XIRP2: variants seen among roughly 807,000 people sequenced by gnomAD.
XIRP2 encodes the protein xin actin-binding repeat-containing protein 2.
Under a neutral mutation model 277.0 loss-of-function variants are expected in XIRP2, and 236 were observed. The ratio of observed to expected loss-of-function variants is 0.85; its 90% CI spans 0.77 to 0.95. The LOEUF (loss-of-function observed/expected upper bound fraction) is 0.95, where lower values mean the gene tolerates loss of function less well. Among genes scored for constraint, XIRP2 ranks in the 40% least tolerant of loss-of-function variants. XIRP2 has a pLI of 0.00. For synonymous variants in XIRP2, 1,490 were observed against 1,416.5 expected (o/e 1.05, Z -1.17); for missense variants, 4,640 against 4,157.5 (o/e 1.12, Z -3.19).
At chr2:167,073,416 C>T (rs1689484509) in intron 2 of XIRP2, among the ~76,000 whole-genome samples, 1 of 151,992 alleles carries the variant, frequency 6.6e-6, no homozygotes. Flanking sequence ...CATATAGCAT[C>T]GTTGTTTCTG....
chr2:167,180,082 T>G (rs1169342942), intron 3 of XIRP2, among the ~76,000 whole-genome samples: 1 of 152,240 alleles, frequency 6.6e-6, no homozygotes, highest in Non-Finnish European at 1.5e-5. Flanking sequence ...ACCTTTCACT[T>G]AATATTCCAC....
At chr2:167,186,923 C>T (rs1036948367) in intron 3 of XIRP2, among the ~76,000 whole-genome samples, 25 of 151,732 alleles carry the variant, frequency 1.6e-4, no homozygotes, top group East Asian at 1.2e-3. Context: ...TATCTAAGAA[C>T]ATTTTGTCAA....
intron 2 of XIRP2, among the ~76,000 whole-genome samples, chr2:166,907,481 C>T (rs537241636): frequency 4.6e-5 from 7 of 152,258 alleles, no homozygotes; most frequent in African/African-American, 1.4e-4. Context: ...TGATGTCACT[C>T]ATGTGTCTAT....
At chr2:167,114,443 C>A (rs950122160) in intron 2 of XIRP2, among the ~76,000 whole-genome samples, 2 of 151,676 alleles carry the variant, frequency 1.3e-5, no homozygotes, top group Admixed American at 1.3e-4. Flanking sequence ...TTATGCAATT[C>A]TTTTTTTTAT....
chr2:167,173,758 A>G (rs1004450362), intron 3 of XIRP2, among the ~76,000 whole-genome samples: 1 of 152,150 alleles, frequency 6.6e-6, no homozygotes, highest in African/African-American at 2.4e-5. Flanking sequence ...ACAGTGTACT[A>G]GGGTTCTCTT....
At chr2:167,154,436 T>G (rs200581696) in intron 3 of XIRP2, among the ~76,000 whole-genome samples, 7,567 of 139,436 alleles carry the variant, frequency 0.054, 265 homozygotes, top group South Asian at 0.099. Context: ...GTCAATTTTG[T>G]CTTTTGTTGC....
intron 2 of XIRP2, among the ~76,000 whole-genome samples, chr2:166,950,044 T>G (rs1685986604): frequency 6.6e-6 from 1 of 152,072 alleles, no homozygotes; most frequent in Non-Finnish European, 1.5e-5. Flanking sequence ...AAAGGATATG[T>G]CATCAGTATA....
At chr2:167,156,231 G>T (rs1313692000) in intron 3 of XIRP2, among the ~76,000 whole-genome samples, 1 of 152,052 alleles carries the variant, frequency 6.6e-6, no homozygotes, top group African/African-American at 2.4e-5. Context: ...TTTCTTCACA[G>T]AATTGGAAAA....
At chr2:167,079,206 GC>G (rs1222874925) in intron 2 of XIRP2, among the ~76,000 whole-genome samples, 3 of 152,266 alleles carry the variant, frequency 2.0e-5, no homozygotes, top group African/African-American at 7.2e-5. Flanking sequence ...AAGAAATGAA[GC>G]CTACGTGATT....
chr2:167,233,939 A>G (rs1295813238), intron 5 of XIRP2, among the ~76,000 whole-genome samples: 1 of 151,626 alleles, frequency 6.6e-6, no homozygotes, highest in African/African-American at 2.4e-5. Flanking sequence ...TGTAAGCTGC[A>G]TTTTTAGTTT....
At chr2:166,917,206 T>C (rs574679398) in intron 2 of XIRP2, among the ~76,000 whole-genome samples, 1 of 152,308 alleles carries the variant, frequency 6.6e-6, no homozygotes, top group South Asian at 2.1e-4. Context: ...GAGGTCCCAC[T>C]GAGAAGAGCC....
At chr2:167,057,221 A>T (rs1689060488) in intron 2 of XIRP2, among the ~76,000 whole-genome samples, 1 of 152,190 alleles carries the variant, frequency 6.6e-6, no homozygotes. Flanking sequence ...ATGGGAATGA[A>T]TTAGGCAAGA....
At chr2:167,200,832 G>A (rs1693663251) in intron 3 of XIRP2, among the ~76,000 whole-genome samples, 1 of 152,100 alleles carries the variant, frequency 6.6e-6, no homozygotes, top group Admixed American at 6.6e-5. Context: ...AGAGGAAAAT[G>A]TACCATATAC....
intron 2 of XIRP2, among the ~76,000 whole-genome samples, chr2:167,089,609 C>T (rs1231297211): frequency 6.6e-6 from 1 of 152,050 alleles, no homozygotes; most frequent in Non-Finnish European, 1.5e-5. Context: ...GTGTGTATTA[C>T]TTAAGTAAAT....
In XIRP2 at chr2:167,122,369, G is replaced by T. The variant is rs765875787; in HGVS notation, c.409-13540G>T. Among the ~76,000 whole-genome samples the T allele has an allele frequency of 4.1e-4, 63 of 152,120 alleles. 1 individual carries two copies. Among genetic ancestry groups the T allele is most frequent in the Non-Finnish European group, 8.1e-4 (55 of 68,026 alleles). On this transcript the variant is annotated intron_variant, in intron 2 of 10. Transcript: ENST00000409195. Reference sequence around the variant, plus strand: ...ACAGTACAAGATTTTTCACCCAAAAGGTGCATATATGCCAAATTGTTTTCT... The same window carrying T: ...ACAGTACAAGATTTTTCACCCAAAATGTGCATATATGCCAAATTGTTTTCT...
chr2:166,946,720 A>C (rs910400154), intron 2 of XIRP2, among the ~76,000 whole-genome samples: 3 of 152,170 alleles, frequency 2.0e-5, no homozygotes, highest in Non-Finnish European at 4.4e-5. Context: ...CATTAAAGAA[A>C]TACAAATAAA....
At chr2:167,007,491 T>C (rs950459849) in intron 2 of XIRP2, among the ~76,000 whole-genome samples, 1 of 151,656 alleles carries the variant, frequency 6.6e-6, no homozygotes, top group Admixed American at 6.6e-5. Context: ...ATTATACTTA[T>C]GGAATTTGGG....
intron 1 of XIRP2, among the ~76,000 whole-genome samples, chr2:166,890,775 A>G (rs1287310530): frequency 6.6e-6 from 1 of 152,068 alleles, no homozygotes; most frequent in Non-Finnish European, 1.5e-5. Flanking sequence ...TATTTAACAA[A>G]TTTCTTCTTT....
In XIRP2 at chr2:167,249,794, C is replaced by T; in HGVS notation, c.8402C>T (p.Pro2801Leu). The change falls in exon 9 of 11, where the codon CCC becomes CTC. Residue 2801 changes from proline (P) to leucine (L), a missense_variant. Physicochemically the swap from Pro to Leu is moderately conservative, Grantham distance 98. Coordinates refer to ENST00000409195, the MANE Select transcript of XIRP2 (RefSeq NM_152381.6). ...CAGGAAGATAAGCTCAAGATGGTTCCCAGGAAGCAAAGAGAATTTAGCGGA... is the reference window on the plus strand; with the variant it reads ...CAGGAAGATAAGCTCAAGATGGTTCTCAGGAAGCAAAGAGAATTTAGCGGA... ...KNQEDKLKMVPRKQREFSGSD... is the reference protein window; with the variant it reads ...KNQEDKLKMVLRKQREFSGSD... 4 of 1,613,080 alleles carry T rather than the reference C, an allele frequency of 2.5e-6. No homozygotes were observed. In the African/African-American group the frequency reaches 5.3e-5, roughly 22 times the overall value.
Sources: allele counts gnomAD v4.1 joint callset (sites outside exome capture counted in the v4.1 genomes callset), GRCh38; gene constraint gnomAD v4.1.1; transcripts MANE v1.5; gene names NCBI Gene and HGNC (gene_info 2026-07-23, HGNC 2026-07-21).